PAQR3: variants seen among roughly 807,000 people sequenced by gnomAD.
PAQR3 encodes the protein Raf kinase trapping to Golgi.
In PAQR3, 39 loss-of-function variants were observed where a neutral mutation model predicts 41.7. That is an observed-to-expected ratio of 0.93 (90% CI 0.72 to 1.22). The LOEUF is 1.22. Ranked by LOEUF, PAQR3 falls within the 50% of genes most tolerant of loss-of-function variation. PAQR3 has a pLI of 0.00. For synonymous variants in PAQR3, 140 were observed against 140.6 expected (o/e 1.00, Z 0.03); for missense variants, 366 against 385.6 (o/e 0.95, Z 0.42).
In PAQR3 at chr4:78,914,612, C is replaced by A. The variant is rs746369845; in HGVS notation, c.*5927G>T. On this transcript the variant is annotated 3_prime_UTR_variant, in exon 6 of 6. Transcript: ENST00000512733. ...TCCCAAGATATGTGAAAGTGCTTAA[C>A]ACAGTACCTGGCACACAGCACTCAA... 4 of 151,824 alleles carry A rather than the reference C, an allele frequency of 2.6e-5. No homozygotes were observed. Among genetic ancestry groups the A allele is most frequent in the Non-Finnish European group, 5.9e-5 (4 of 67,902 alleles). 9.4% of individuals were successfully genotyped at this position (151,824 alleles called of 1,614,324 possible).
chr4:78,916,796 A>G lies in PAQR3; in HGVS notation c.*3743T>C, dbSNP rs1351651681. The G allele has an allele frequency of 2.0e-5, 3 of 151,946 alleles. No homozygotes were observed. The highest frequency in any genetic ancestry group is 4.8e-5 in the African/African-American group (2 of 41,410). The allele number at this position is 151,946 out of a possible 1,614,324, so 9.4% of individuals were successfully genotyped here. On this transcript the variant is annotated 3_prime_UTR_variant, in exon 6 of 6. Coordinates refer to ENST00000512733, the MANE Select transcript of PAQR3 (RefSeq NM_001040202.2). ...TTAAATAACATTGTAATCCTCAATT[A>G]TATCAGAAAAGAGGCTATGACACAT...
rs576092576 is a variant in PAQR3, at chr4:78,920,743, A to G, written c.794-62T>C. 2.0e-5 allele frequency: 30 copies of G among 1,521,862 alleles called. No homozygotes were observed. In the South Asian group the frequency reaches 2.7e-4, roughly 14 times the overall value. 94.3% of individuals were successfully genotyped at this position (1,521,862 alleles called of 1,614,324 possible). ...AATATGTTGACATTAAAGGAAAAAT[A>G]TATTTCTTGGAAGTATAGCTTAGCA... On this transcript the variant is annotated intron_variant, in intron 5 of 5. Coordinates refer to ENST00000512733, the MANE Select transcript of PAQR3 (RefSeq NM_001040202.2).
At chr4:78,930,394 G>A (rs548978693) in intron 2 of PAQR3, 69 bp from the exon 3 acceptor site, 1 of 1,486,364 alleles carries the variant, frequency 6.7e-7, no homozygotes, top group African/African-American at 1.4e-5. Context: ...TGATATTCAG[G>A]GAAGTAGTTA....
intron 2 of PAQR3, among the ~76,000 whole-genome samples, chr4:78,931,861 A>C (rs1181401303): frequency 6.6e-6 from 1 of 152,196 alleles, no homozygotes; most frequent in Non-Finnish European, 1.5e-5. Context: ...CATTTCCTAT[A>C]CATTAATGGG....
chr4:78,899,667 T>C (rs1733895205), intron 11 of PAQR3, among the ~76,000 whole-genome samples: 1 of 152,246 alleles, frequency 6.6e-6, no homozygotes, highest in South Asian at 2.1e-4. Context: ...TTTTTTTTTT[T>C]TTCCCAAAGG....
intron 2 of PAQR3, among the ~76,000 whole-genome samples, chr4:78,932,900 G>T (rs1004547865): frequency 1.3e-5 from 2 of 152,200 alleles, no homozygotes; most frequent in South Asian, 4.1e-4. Flanking sequence ...AGTTATAATG[G>T]AAAGTTTCCT....
rs1163050519 is a variant in PAQR3 at position 78,914,095 on chromosome 4, G to A, written c.*6444C>T. On this transcript the variant is annotated 3_prime_UTR_variant, in exon 6 of 6. Coordinates refer to ENST00000512733, the MANE Select transcript of PAQR3 (RefSeq NM_001040202.2). The stretch of plus-strand genomic sequence containing the variant: ...TTTTTTTTAATGAAAATCTGTTGAG[G>A]TGTACACAATATGCTTCTTGATTGT... 1.3e-5 allele frequency: 2 copies of A among 151,910 alleles called. No individual in the cohort carries two copies. Among genetic ancestry groups the A allele is most frequent in the East Asian group, 1.9e-4 (1 of 5,186 alleles). 9.4% of individuals were successfully genotyped at this position (151,910 alleles called of 1,614,324 possible). A position where few individuals can be genotyped will look rare whatever the true frequency, so the allele number is the denominator to read the frequency against.
chr4:78,925,946 A>G (rs1321639158), intron 4 of PAQR3, among the ~76,000 whole-genome samples: 2 of 152,142 alleles, frequency 1.3e-5, no homozygotes, highest in South Asian at 2.1e-4. Context: ...TTATTTCTCA[A>G]TATATTCTCC....
intron 2 of PAQR3, chr4:78,930,551 T>C (rs570695694): frequency 5.9e-6 from 2 of 338,788 alleles, no homozygotes; most frequent in Non-Finnish European, 1.1e-5. Flanking sequence ...ATGTAGATAA[T>C]AATAATGAAG....
rs1306525463 is a variant in PAQR3, at chr4:78,915,479, T to C, written c.*5060A>G. 1 of 151,982 alleles carries C rather than the reference T, an allele frequency of 6.6e-6. No homozygotes were observed. Among genetic ancestry groups the C allele is most frequent in the Non-Finnish European group, 1.5e-5 (1 of 67,898 alleles). The allele number at this position is 151,982 out of a possible 1,614,324, so 9.4% of individuals were successfully genotyped here. A position where few individuals can be genotyped will look rare whatever the true frequency, so the allele number is the denominator to read the frequency against. ...TAAACTTTTTTCTCATTTTTTTTTC[T>C]TTTTAGCAAACTTGTTATTTTAGGT... On this transcript the variant is annotated 3_prime_UTR_variant, in exon 6 of 6. Coordinates refer to ENST00000512733, the MANE Select transcript of PAQR3 (RefSeq NM_001040202.2).
chr4:78,887,514 CT>C (rs1733161794), intron 12 of PAQR3, among the ~76,000 whole-genome samples: 1 of 151,978 alleles, frequency 6.6e-6, no homozygotes, highest in Admixed American at 6.6e-5. Flanking sequence ...AGAAACATAA[CT>C]GCTTCTTTTC....
downstream of PAQR3, among the ~76,000 whole-genome samples, chr4:78,908,734 T>TA (rs1734412452): frequency 6.6e-6 from 1 of 152,222 alleles, no homozygotes; most frequent in African/African-American, 2.4e-5. Flanking sequence ...CTTTCCAACT[T>TA]ACTCATTTTT....
At position 78,919,538 on chromosome 4, in the gene PAQR3, A is replaced by G. The variant is rs1735448422; in HGVS notation, c.*1001T>C. 1 of 985,074 alleles carries G rather than the reference A, an allele frequency of 1.0e-6. No individual in the cohort carries two copies. Among genetic ancestry groups the G allele is most frequent in the Non-Finnish European group, 1.2e-6 (1 of 829,818 alleles). The allele number at this position is 985,074 out of a possible 1,614,324, so 61.0% of individuals were successfully genotyped here. A position where few individuals can be genotyped will look rare whatever the true frequency, so the allele number is the denominator to read the frequency against. On this transcript the variant is annotated 3_prime_UTR_variant, in exon 6 of 6. Coordinates refer to ENST00000512733, the MANE Select transcript of PAQR3 (RefSeq NM_001040202.2). ...AAACCGAGGACCAGAGCACAGGTGAATAAGATTATTATCAAATGGGGCATC... is the reference window on the plus strand; with the variant it reads ...AAACCGAGGACCAGAGCACAGGTGAGTAAGATTATTATCAAATGGGGCATC...
intron 11 of PAQR3, among the ~76,000 whole-genome samples, chr4:78,899,981 A>T (rs536275021): frequency 6.6e-6 from 1 of 152,264 alleles, no homozygotes; most frequent in South Asian, 2.1e-4. Flanking sequence ...GTGAGTGTTG[A>T]TATATACAGT....
chr4:78,903,897 T>G (rs1176482483), intron 11 of PAQR3, among the ~76,000 whole-genome samples: 4 of 151,958 alleles, frequency 2.6e-5, no homozygotes, highest in Admixed American at 6.6e-5. Context: ...GTAGTTTAAT[T>G]GTAGAATTTA....
At chr4:78,911,713 G>A (rs1021359582), downstream of PAQR3, 10 of 1,613,780 alleles carry the variant, frequency 6.2e-6, no homozygotes, top group Non-Finnish European at 2.5e-6. Flanking sequence ...GAAAGATAGG[G>A]GGAATGTCTT....
rs780215554 is a variant in PAQR3 at position 78,939,218 on chromosome 4, G to T, written c.7C>A (p.Gln3Lys). 1 of 1,586,612 alleles carries T rather than the reference G, an allele frequency of 6.3e-7. No homozygotes were observed. The highest frequency in any genetic ancestry group is 1.8e-5 in the Admixed American group (1 of 56,240). Residue 3 changes from glutamine to lysine, a missense_variant, in exon 1 of 6, where the codon CAG (glutamine) becomes AAG (lysine). By Grantham distance (53) the Gln-to-Lys change is moderately conservative (BLOSUM62 1). Coordinates refer to ENST00000512733, the MANE Select transcript of PAQR3 (RefSeq NM_001040202.2). The stretch of plus-strand genomic sequence containing the variant: ...TAATGCGCGCTCTTCAGCAGCTTCT[G>T]ATGCATCGTTCCCGGCCGCCGCCGC... MHQKLLKSAHYIE... is the reference protein window; with the variant it reads MHKKLLKSAHYIE...
intron 11 of PAQR3, among the ~76,000 whole-genome samples, chr4:78,897,117 A>G (rs1733743978): frequency 6.6e-6 from 1 of 152,116 alleles, no homozygotes; most frequent in African/African-American, 2.4e-5. Flanking sequence ...AATATGGAGT[A>G]AAATTAGCAT....
In PAQR3 at chr4:78,930,213, C is replaced by A. The variant is rs756081826; in HGVS notation, c.461G>T (p.Gly154Val). 1.2e-5 allele frequency: 20 copies of A among 1,613,426 alleles called. No individual in the cohort carries two copies. Among genetic ancestry groups the A allele is most frequent in the Non-Finnish European group, 1.6e-5 (19 of 1,179,752 alleles). The stretch of plus-strand genomic sequence containing the variant: ...GTAAAATACTCCTGAGACATAGCAG[C>A]CCAGTATTCCAATAGAAATTCCTGC... Reference protein sequence around the residue: ...DYAGISIGILGCYVSGVFYAF... With the variant: ...DYAGISIGILVCYVSGVFYAF... Residue 154 changes from glycine (G) to valine (V), a missense_variant, in exon 3 of 6, where the codon GGC becomes GTC. Transcript: ENST00000512733.
Sources: allele counts gnomAD v4.1 joint callset (sites outside exome capture counted in the v4.1 genomes callset), GRCh38; gene constraint gnomAD v4.1.1; transcripts MANE v1.5; gene names NCBI Gene and HGNC (gene_info 2026-07-23, HGNC 2026-07-21).